CMSS1: variants seen among roughly 807,000 people sequenced by gnomAD.
CMSS1 encodes cms1 ribosomal small subunit homolog, also known as protein CMSS1.
CMSS1 carries 33 observed loss-of-function variants against 43.5 expected under a neutral mutation model. That is an observed-to-expected ratio of 0.76 (90% CI 0.57 to 1.01). The LOEUF is 1.01. Ranked by LOEUF, CMSS1 falls within the 50% of genes least tolerant of loss-of-function variation. The probability of loss-of-function intolerance (pLI) is 0.00; values close to 1 mark genes in which losing one functional copy is unlikely to be tolerated. For synonymous variants in CMSS1, 115 were observed against 117.2 expected, an observed-to-expected ratio of 0.98 and a Z score of 0.12; for missense variants, 313 against 326.4, an observed-to-expected ratio of 0.96 and a Z score of 0.32.
At chr3:99,848,294 CT>C in intron 1 of CMSS1, 3 of 1,613,716 alleles carry the variant, frequency 1.9e-6, no homozygotes, top group Non-Finnish European at 2.5e-6. Flanking sequence ...ATATTACTTA[CT>C]GTAATTTGTG....
intron 1 of CMSS1, chr3:99,848,435 C>A: frequency 6.2e-7 from 1 of 1,614,170 alleles, no homozygotes; most frequent in Non-Finnish European, 8.5e-7. Context: ...GAAGGGCTGG[C>A]AGGTCTCACA....
chr3:100,138,762 G>A (rs1020786630), intron 1 of CMSS1, among the ~76,000 whole-genome samples: 1 of 152,122 alleles, frequency 6.6e-6, no homozygotes, highest in Non-Finnish European at 1.5e-5. Flanking sequence ...TGATAGTTCA[G>A]CCATTCTTGG....
At chr3:100,106,159 T>C (rs1244090915) in intron 1 of CMSS1, among the ~76,000 whole-genome samples, 1 of 152,126 alleles carries the variant, frequency 6.6e-6, no homozygotes, top group Non-Finnish European at 1.5e-5. Context: ...AGATACCACA[T>C]AGTAAATCAG....
chr3:99,923,130 C>T (rs1707176262), intron 1 of CMSS1, among the ~76,000 whole-genome samples: 1 of 151,232 alleles, frequency 6.6e-6, no homozygotes, highest in Admixed American at 6.6e-5. Context: ...CCCCCTTTTT[C>T]TTCCAGAAAA....
At chr3:99,939,239 C>T (rs929680735) in intron 1 of CMSS1, among the ~76,000 whole-genome samples, 3 of 152,328 alleles carry the variant, frequency 2.0e-5, no homozygotes, top group Middle Eastern at 3.4e-3. Flanking sequence ...CACCTGCTCA[C>T]TTGTTATATG....
At chr3:100,091,102 G>T (rs757593266) in intron 1 of CMSS1, among the ~76,000 whole-genome samples, 38 of 151,892 alleles carry the variant, frequency 2.5e-4, no homozygotes, top group Non-Finnish European at 4.9e-4. Flanking sequence ...TGGCTAACAC[G>T]GTGAAACCCC....
intron 1 of CMSS1, among the ~76,000 whole-genome samples, chr3:99,952,926 G>T (rs62283534): frequency 6.6e-6 from 1 of 152,140 alleles, no homozygotes; most frequent in African/African-American, 2.4e-5. Flanking sequence ...GCAATGGATT[G>T]TAGATAGTTT....
intron 2 of CMSS1, among the ~76,000 whole-genome samples, chr3:100,158,207 C>A (rs2066992888): frequency 6.6e-6 from 1 of 152,148 alleles, no homozygotes. Context: ...GAGAATCATT[C>A]TTAAAGTAAT....
At chr3:100,008,966 C>T (rs1710066603) in intron 1 of CMSS1, among the ~76,000 whole-genome samples, 1 of 152,194 alleles carries the variant, frequency 6.6e-6, no homozygotes, top group Non-Finnish European at 1.5e-5. Context: ...TTCTGTTTGA[C>T]ATTGATTTTC....
intron 1 of CMSS1, among the ~76,000 whole-genome samples, chr3:99,920,429 G>T (rs1048904090): frequency 2.6e-5 from 4 of 152,144 alleles, no homozygotes; most frequent in African/African-American, 9.7e-5. Context: ...AAAATTATTG[G>T]CATTGCTTTT....
At chr3:100,091,284 C>CAAAAAA (rs570908389) in intron 1 of CMSS1, among the ~76,000 whole-genome samples, 2 of 59,100 alleles carry the variant, frequency 3.4e-5, no homozygotes, top group African/African-American at 6.1e-5. Context: ...GACTCCGTCT[C>CAAAAAA]AAAAAAAAAA....
intron 1 of CMSS1, among the ~76,000 whole-genome samples, chr3:99,888,247 C>G (rs1005955378): frequency 3.3e-5 from 5 of 151,938 alleles, no homozygotes; most frequent in African/African-American, 7.3e-5. Context: ...TGTTGTGCAC[C>G]TGTTGCTACT....
At chr3:100,078,846 A>G (rs1167618528) in intron 1 of CMSS1, among the ~76,000 whole-genome samples, 1 of 152,148 alleles carries the variant, frequency 6.6e-6, no homozygotes, top group African/African-American at 2.4e-5. Flanking sequence ...AGCCAAGATC[A>G]CACCACTGCA....
At chr3:100,020,537 C>A (rs970801798) in intron 1 of CMSS1, among the ~76,000 whole-genome samples, 1 of 152,102 alleles carries the variant, frequency 6.6e-6, no homozygotes, top group African/African-American at 2.4e-5. Flanking sequence ...ATTGCTTTGG[C>A]CATTCTGTTT....
intron 1 of CMSS1, among the ~76,000 whole-genome samples, chr3:99,975,450 AG>A (rs1708940930): frequency 6.6e-6 from 1 of 151,760 alleles, no homozygotes; most frequent in Non-Finnish European, 1.5e-5. Context: ...AAATTAGCTG[AG>A]TATGGTGGCG....
intron 1 of CMSS1, among the ~76,000 whole-genome samples, chr3:99,839,736 C>T: frequency 6.6e-6 from 1 of 152,168 alleles, no homozygotes; most frequent in East Asian, 1.9e-4. Context: ...CAAGTATGAA[C>T]ATGCTCTCAG....
intron 1 of CMSS1, among the ~76,000 whole-genome samples, chr3:99,818,606 GTCA>G (rs747099098): frequency 2.6e-5 from 4 of 152,164 alleles, no homozygotes; most frequent in Non-Finnish European, 4.4e-5. Flanking sequence ...ATTTCTTGTG[GTCA>G]TCATCATTAT....
At chr3:99,886,565 G>T (rs191266373) in intron 1 of CMSS1, among the ~76,000 whole-genome samples, 10 of 152,206 alleles carry the variant, frequency 6.6e-5, no homozygotes, top group African/African-American at 2.2e-4. Context: ...CCAGATTTTG[G>T]GGGGGTAGAT....
At chr3:99,980,950 A>G (rs770916828) in intron 1 of CMSS1, among the ~76,000 whole-genome samples, 24 of 152,138 alleles carry the variant, frequency 1.6e-4, no homozygotes, top group African/African-American at 5.8e-4. Flanking sequence ...TTGCTGGACA[A>G]TTGGGACCCA....
Sources: gnomAD v4.1 joint callset for allele counts (sites outside exome capture counted in the v4.1 genomes callset) on GRCh38, gnomAD v4.1.1 for gene constraint, MANE v1.5 for transcripts, NCBI Gene and HGNC (gene_info 2026-07-23, HGNC 2026-07-21) for gene names.